Variants in PPP2R5E observed in about 807,000 individuals in gnomAD.
The protein encoded by PPP2R5E is protein phosphatase 2 regulatory subunit B'epsilon, also known as serine/threonine-protein phosphatase 2A 56 kDa regulatory subunit epsilon isoform.
PPP2R5E carries 4 observed loss-of-function variants against 65.3 expected under a neutral mutation model. The observed-to-expected ratio is 0.06, with a 90% confidence interval of 0.03 to 0.14. PPP2R5E has a LOEUF of 0.14. PPP2R5E is among the 10% of genes least tolerant of loss of function. The probability of loss-of-function intolerance (pLI) is 1.00; values close to 1 mark genes in which losing one functional copy is unlikely to be tolerated. For synonymous variants in PPP2R5E, 183 were observed against 187.4 expected (o/e 0.98, Z 0.19); for missense variants, 274 against 556.1 (o/e 0.49, Z 5.10).
intron 3 of PPP2R5E, among the ~76,000 whole-genome samples, chr14:63,440,442 C>A (rs1171283114): frequency 6.6e-6 from 1 of 151,258 alleles, no homozygotes; most frequent in Non-Finnish European, 1.5e-5. Context: ...GAACATTTAA[C>A]CCCAGAGCAT....
At chr14:63,429,209 G>T (rs1216118912) in intron 3 of PPP2R5E, among the ~76,000 whole-genome samples, 1 of 152,154 alleles carries the variant, frequency 6.6e-6, no homozygotes, top group Non-Finnish European at 1.5e-5. Context: ...AGATGGTTGA[G>T]TATCATCTTT....
chr14:63,483,844 G>A (rs8011488), intron 2 of PPP2R5E, among the ~76,000 whole-genome samples: 27,619 of 152,034 alleles, frequency 0.18, 2,658 homozygotes, highest in African/African-American at 0.25. Flanking sequence ...CAGCACTTTG[G>A]GAGGCCGAGG....
chr14:63,498,598 C>T (rs552197741), intron 2 of PPP2R5E, among the ~76,000 whole-genome samples: 2 of 151,974 alleles, frequency 1.3e-5, no homozygotes, highest in South Asian at 4.2e-4. Context: ...CACTCTGTCA[C>T]CCAGGCTGGA....
chr14:63,465,450 C>CAAAAAAAAA (rs1171345415), intron 2 of PPP2R5E, among the ~76,000 whole-genome samples: 86 of 47,358 alleles, frequency 1.8e-3, no homozygotes, highest in African/African-American at 6.4e-3. Context: ...TCCACCTCTA[C>CAAAAAAAAA]AAAAAAAAAA....
At chr14:63,428,298 A>G (rs12893602) in intron 3 of PPP2R5E, among the ~76,000 whole-genome samples, 91 of 152,226 alleles carry the variant, frequency 6.0e-4, no homozygotes, top group Non-Finnish European at 1.3e-3. Context: ...CACCTAATAT[A>G]CAATAAATGA....
intron 2 of PPP2R5E, among the ~76,000 whole-genome samples, chr14:63,537,583 C>G (rs1196059733): frequency 6.6e-6 from 1 of 152,140 alleles, no homozygotes; most frequent in Non-Finnish European, 1.5e-5. Context: ...GAATCTCTCT[C>G]TCTTTTTTAA....
intron 2 of PPP2R5E, among the ~76,000 whole-genome samples, chr14:63,471,829 C>T (rs898479482): frequency 1.3e-5 from 2 of 152,118 alleles, no homozygotes; most frequent in African/African-American, 2.4e-5. Flanking sequence ...ATATCTACAA[C>T]GTACACTGGA....
At chr14:63,493,048 G>C (rs1891358019) in intron 2 of PPP2R5E, among the ~76,000 whole-genome samples, 1 of 152,142 alleles carries the variant, frequency 6.6e-6, no homozygotes, top group African/African-American at 2.4e-5. Flanking sequence ...AAGGAATTCT[G>C]ATCTACTAAA....
chr14:63,420,251 TTTG>T (rs1454974388), intron 4 of PPP2R5E, among the ~76,000 whole-genome samples: 2 of 152,312 alleles, frequency 1.3e-5, no homozygotes, highest in African/African-American at 2.4e-5. Flanking sequence ...AGATCGTCTT[TTTG>T]TTGTTGTTAA....
At position 63,484,319 on chromosome 14, in the gene PPP2R5E, T is replaced by A. The variant is rs149652506; in HGVS notation, c.158-30434A>T. Among the ~76,000 whole-genome samples, 63 of 147,552 alleles carry A rather than the reference T, an allele frequency of 4.3e-4. 1 individual carries two copies. In the East Asian group the frequency reaches 9.0e-3, roughly 21 times the overall value. On this transcript the variant is annotated intron_variant, in intron 2 of 13. Coordinates refer to ENST00000337537, the MANE Select transcript of PPP2R5E (RefSeq NM_006246.5). ...AAGGCATCAGAATGGATATGATCGATCTCTTTCTTTCTCTTTCTCTCTCTC... is the reference window on the plus strand; with the variant it reads ...AAGGCATCAGAATGGATATGATCGAACTCTTTCTTTCTCTTTCTCTCTCTC...
chr14:63,501,042 A>G (rs950645635), intron 2 of PPP2R5E, among the ~76,000 whole-genome samples: 3 of 152,178 alleles, frequency 2.0e-5, no homozygotes, highest in African/African-American at 7.2e-5. Context: ...CAAGGTAGAG[A>G]CAAATTAAAT....
At chr14:63,451,715 G>T (rs1888838504) in intron 3 of PPP2R5E, 1 of 152,024 alleles carries the variant, frequency 6.6e-6, no homozygotes, top group Non-Finnish European at 1.5e-5. Context: ...TGAATTCTGG[G>T]TGATAATGAT....
intron 13 of PPP2R5E, among the ~76,000 whole-genome samples, chr14:63,380,570 G>A (rs1425769919): frequency 6.6e-6 from 1 of 152,030 alleles, no homozygotes; most frequent in African/African-American, 2.4e-5. Context: ...GCTGAGGCAG[G>A]AGAATGGCAT....
In PPP2R5E at chr14:63,523,106, G is replaced by A. The variant is rs1487779602; in HGVS notation, c.157+16423C>T. Among the ~76,000 whole-genome samples, 1,396 of 148,852 alleles carry A rather than the reference G, an allele frequency of 9.4e-3. 41 individuals carry two copies. Among genetic ancestry groups the A allele is most frequent in the African/African-American group, 0.034 (1,319 of 39,370 alleles). ...AGGTGGGGGGGTCAGCCCCCCGCCC[G>A]GCCAGCAGCCCCTTCCGGGAAGTGG... On this transcript the variant is annotated intron_variant, in intron 2 of 13. Transcript: ENST00000337537.
intron 9 of PPP2R5E, 43 bp from the exon 10 acceptor site, chr14:63,391,910 A>T: frequency 6.2e-7 from 1 of 1,608,402 alleles, no homozygotes; most frequent in Non-Finnish European, 8.5e-7. Flanking sequence ...TAACTTTTTC[A>T]TATATACTTC....
In PPP2R5E at chr14:63,371,995, G is replaced by A. The variant is rs1350163873; in HGVS notation, c.*4014C>T. On this transcript the variant is annotated 3_prime_UTR_variant, in exon 14 of 14. Coordinates refer to ENST00000337537, the MANE Select transcript of PPP2R5E (RefSeq NM_006246.5). ...TGAAAATTCCCCATTGATACATGAG[G>A]TTTGGATTACAACTTATTTACAATA... 4 of 151,722 alleles carry A rather than the reference G, an allele frequency of 2.6e-5. No homozygotes were observed. The highest frequency in any genetic ancestry group is 5.9e-5 in the Non-Finnish European group (4 of 67,972). The allele number at this position is 151,722 out of a possible 1,614,324, so 9.4% of individuals were successfully genotyped here.
chr14:63,519,482 A>T (rs1892797804), intron 2 of PPP2R5E, among the ~76,000 whole-genome samples: 2 of 148,614 alleles, frequency 1.3e-5, no homozygotes, highest in Non-Finnish European at 3.0e-5. Flanking sequence ...CTGCGATTAC[A>T]GGCACACACC....
intron 2 of PPP2R5E, among the ~76,000 whole-genome samples, chr14:63,478,611 A>G (rs912780062): frequency 6.6e-6 from 1 of 152,178 alleles, no homozygotes; most frequent in Non-Finnish European, 1.5e-5. Flanking sequence ...GGAAAAACAT[A>G]TAATGTCTTA....
intron 2 of PPP2R5E, among the ~76,000 whole-genome samples, chr14:63,494,261 T>A (rs1891430055): frequency 6.6e-6 from 1 of 151,838 alleles, no homozygotes; most frequent in Non-Finnish European, 1.5e-5. Flanking sequence ...TGAGACAGAG[T>A]CTCACTCTGT....
Sources: allele counts gnomAD v4.1 joint callset (sites outside exome capture counted in the v4.1 genomes callset), GRCh38; gene constraint gnomAD v4.1.1; transcripts MANE v1.5; gene names NCBI Gene and HGNC (gene_info 2026-07-23, HGNC 2026-07-21).